The following CCDC71L variants were observed in gnomAD, a reference collection of about 807,000 sequenced individuals.
CCDC71L encodes the protein coiled-coil domain containing 71 like.
CCDC71L carries 6 observed loss-of-function variants against 10.2 expected under a neutral mutation model. The ratio of observed to expected loss-of-function variants is 0.59; its 90% confidence interval spans 0.32 to 1.16. The LOEUF is 1.16. Ranked by LOEUF, CCDC71L falls within the 50% of genes most tolerant of loss-of-function variation. The probability of loss-of-function intolerance (pLI) is 0.05; values close to 1 mark genes in which losing one functional copy is unlikely to be tolerated. For missense variants in CCDC71L, 366 were observed against 383.4 expected (o/e 0.95, Z 0.38); for synonymous variants, 204 against 175.5 (o/e 1.16, Z -1.28).
Position 106,660,460 on chromosome 7 carries a change from T to C in CCDC71L, c.437A>G (p.Lys146Arg), listed in dbSNP as rs1281438998. Residue 146 changes from lysine (K) to arginine (R), a missense_variant, in exon 1 of 1, where the codon AAG (lysine) becomes AGG (arginine). Coordinates refer to ENST00000523505, the MANE Select transcript of CCDC71L (RefSeq NM_175884.6). This position sits in a 1 kb window ranked among gnomAD's most constrained non-coding sequence, Gnocchi z 7.5. ...CGGCGGTGGGGGTGGCGGCCGGGGC[T>C]TCCTCCTGCGGGCAGCGGCCGCCCG... Reference protein sequence around the residue: ...GARAAAARRRKPRPPPPPPPP... With the variant: ...GARAAAARRRRPRPPPPPPPP... The C allele has an allele frequency of 1.5e-5, 18 of 1,226,050 alleles. No homozygotes were observed. Among genetic ancestry groups the C allele is most frequent in the Non-Finnish European group, 1.7e-5 (17 of 985,316 alleles). The allele number at this position is 1,226,050 out of a possible 1,614,324, so 75.9% of individuals were successfully genotyped here. A position where few individuals can be genotyped will look rare whatever the true frequency, so the allele number is the denominator to read the frequency against.
chr7:106,659,830 A>T lies in CCDC71L; in HGVS notation c.*359T>A. Reference sequence around the variant, plus strand: ...TTTGGAAAAATAATGTCTTCGGAGGACTTCCAGACCAGTGAGGTAGAGTCC... The same window carrying T: ...TTTGGAAAAATAATGTCTTCGGAGGTCTTCCAGACCAGTGAGGTAGAGTCC... On this transcript the variant is annotated 3_prime_UTR_variant, in exon 1 of 1. Coordinates refer to ENST00000523505, the MANE Select transcript of CCDC71L (RefSeq NM_175884.6). The T allele has an allele frequency of 4.3e-6, 1 of 232,298 alleles. No individual in the cohort carries two copies. Among genetic ancestry groups the T allele is most frequent in the East Asian group, 8.3e-5 (1 of 12,008 alleles). The allele number at this position is 232,298 out of a possible 1,614,324, so 14.4% of individuals were successfully genotyped here.
chr7:106,661,007 T>C lies in CCDC71L; in HGVS notation c.-111A>G, dbSNP rs1025461950. 7.8e-7 allele frequency: 1 copy of C among 1,275,862 alleles called. No individual in the cohort carries two copies. The highest frequency in any genetic ancestry group is 4.3e-5 in the Admixed American group (1 of 23,516). The allele number at this position is 1,275,862 out of a possible 1,614,324, so 79.0% of individuals were successfully genotyped here. On this transcript the variant is annotated 5_prime_UTR_variant, in exon 1 of 1. Coordinates refer to ENST00000523505, the MANE Select transcript of CCDC71L (RefSeq NM_175884.6). Reference sequence around the variant, plus strand: ...TGCTGCTGGCGTCTCTCGCTACTTTTCTCGCCTCCGCCGCCGCCCCTCCCC... The same window carrying C: ...TGCTGCTGGCGTCTCTCGCTACTTTCCTCGCCTCCGCCGCCGCCCCTCCCC...
In CCDC71L at chr7:106,660,318, G is replaced by T. The variant is rs1792568116; in HGVS notation, c.579C>A (p.Thr193=). 1 of 1,522,124 alleles carries T rather than the reference G, an allele frequency of 6.6e-7. No homozygotes were observed. The highest frequency in any genetic ancestry group is 2.0e-5 in the Admixed American group (1 of 49,912). The allele number at this position is 1,522,124 out of a possible 1,614,324, so 94.3% of individuals were successfully genotyped here. A position where few individuals can be genotyped will look rare whatever the true frequency, so the allele number is the denominator to read the frequency against. ...AATPTLTTFP[T]IRVGSDVWGE... ...CCCACACGTCGCTGCCGACGCGGAT[G>T]GTGGGGAAGGTGGTCAGCGTCGGGG... Residue 193 remains threonine (T), a synonymous_variant, in exon 1 of 1, where the codon ACC becomes ACA. Coordinates refer to ENST00000523505, the MANE Select transcript of CCDC71L (RefSeq NM_175884.6). This position sits in a 1 kb window ranked among gnomAD's most constrained non-coding sequence, Gnocchi z 7.5.
In CCDC71L at chr7:106,660,582, C is replaced by T; in HGVS notation, c.315G>A (p.Arg105=). The T allele has an allele frequency of 5.1e-6, 8 of 1,558,642 alleles. No homozygotes were observed. Among genetic ancestry groups the T allele is most frequent in the Non-Finnish European group, 6.9e-6 (8 of 1,154,034 alleles). The stretch of plus-strand genomic sequence containing the variant: ...GCCCCGGGGGGTCGGGTACCAGGGC[C>T]CGGCAGGAGGAGTAGCCGTAGACGT... ...SKDVYGYSSC[R]ALVPDPPGPP... is the part of the protein sequence containing the mutation. The change falls in exon 1 of 1, where the codon CGG becomes CGA. Residue 105 remains arginine, a synonymous_variant. Transcript: ENST00000523505. The surrounding 1 kb of genome is among the most constrained non-coding windows in gnomAD (Gnocchi z 7.5).
Position 106,661,048 on chromosome 7 carries a change from A to T in CCDC71L, c.-152T>A. On this transcript the variant is annotated 5_prime_UTR_variant, in exon 1 of 1. Coordinates refer to ENST00000523505, the MANE Select transcript of CCDC71L (RefSeq NM_175884.6). ...GCCCCTCCCCCTCCGAGGGCGGAGG[A>T]CGCGGGCGAATATCCTGCTGCCCGG... 8.7e-7 allele frequency: 1 copy of T among 1,144,094 alleles called. No individual in the cohort carries two copies. Among genetic ancestry groups the T allele is most frequent in the Non-Finnish European group, 1.1e-6 (1 of 885,224 alleles). The allele number at this position is 1,144,094 out of a possible 1,614,324, so 70.9% of individuals were successfully genotyped here.
Position 106,659,780 on chromosome 7 carries a change from T to C in CCDC71L, c.*409A>G, listed in dbSNP as rs1052870664. The C allele has an allele frequency of 1.8e-5, 3 of 166,990 alleles. No homozygotes were observed. Among genetic ancestry groups the C allele is most frequent in the African/African-American group, 7.1e-5 (3 of 42,108 alleles). The allele number at this position is 166,990 out of a possible 1,614,324, so 10.3% of individuals were successfully genotyped here. A position where few individuals can be genotyped will look rare whatever the true frequency, so the allele number is the denominator to read the frequency against. On this transcript the variant is annotated 3_prime_UTR_variant, in exon 1 of 1. Coordinates refer to ENST00000523505, the MANE Select transcript of CCDC71L (RefSeq NM_175884.6). ...AAAGAACAAGTAAATTCTGGCTTTA[T>C]TACACAAGCACGAAACCAAATTCCT...
chr7:106,660,845 T>C lies in CCDC71L; in HGVS notation c.52A>G (p.Thr18Ala), dbSNP rs754432517. ...RRRRRPVAPA[T>A]AARGGDFRAE... is the part of the protein sequence containing the mutation. ...CTAAAGTCGCCGCCCCGGGCGGCCGTGGCCGGGGCGACCGGGCGCCGGCGC... is the reference window on the plus strand; with the variant it reads ...CTAAAGTCGCCGCCCCGGGCGGCCGCGGCCGGGGCGACCGGGCGCCGGCGC... The change falls in exon 1 of 1, where the codon ACG (threonine) becomes GCG (alanine). Residue 18 changes from threonine to alanine, a missense_variant. Coordinates refer to ENST00000523505, the MANE Select transcript of CCDC71L (RefSeq NM_175884.6). This position sits in a 1 kb window ranked among gnomAD's most constrained non-coding sequence, Gnocchi z 7.5. 2 of 1,495,308 alleles carry C rather than the reference T, an allele frequency of 1.3e-6. No individual in the cohort carries two copies. The highest frequency in any genetic ancestry group is 1.3e-5 in the South Asian group (1 of 77,932). 92.6% of individuals were successfully genotyped at this position (1,495,308 alleles called of 1,614,324 possible).
Position 106,661,014 on chromosome 7 carries a change from T to G in CCDC71L, c.-118A>C. 4 of 1,263,446 alleles carry G rather than the reference T, an allele frequency of 3.2e-6. No individual in the cohort carries two copies. Among genetic ancestry groups the G allele is most frequent in the Non-Finnish European group, 4.0e-6 (4 of 997,238 alleles). 78.3% of individuals were successfully genotyped at this position (1,263,446 alleles called of 1,614,324 possible). A position where few individuals can be genotyped will look rare whatever the true frequency, so the allele number is the denominator to read the frequency against. Reference sequence around the variant, plus strand: ...GGCGTCTCTCGCTACTTTTCTCGCCTCCGCCGCCGCCCCTCCCCCTCCGAG... The same window carrying G: ...GGCGTCTCTCGCTACTTTTCTCGCCGCCGCCGCCGCCCCTCCCCCTCCGAG... On this transcript the variant is annotated 5_prime_UTR_variant, in exon 1 of 1. Coordinates refer to ENST00000523505, the MANE Select transcript of CCDC71L (RefSeq NM_175884.6).
chr7:106,655,985 A>G lies in CCDC71L; in HGVS notation c.*4204T>C, dbSNP rs1386828957. On this transcript the variant is annotated 3_prime_UTR_variant, in exon 1 of 1. Coordinates refer to ENST00000523505, the MANE Select transcript of CCDC71L (RefSeq NM_175884.6). ...TGCATACCTATAATTAAGAGCATTT[A>G]TTTAGTACTTCCTATGTGTCTAGCA... Among the ~76,000 whole-genome samples, 1 of 152,198 alleles carries G rather than the reference A, an allele frequency of 6.6e-6. No homozygotes were observed. The highest frequency in any genetic ancestry group is 1.5e-5 in the Non-Finnish European group (1 of 68,016).
Position 106,660,006 on chromosome 7 carries a change from A to C in CCDC71L, c.*183T>G. ...AGAGGGCACACCTGCCCCAGCGTCC[A>C]AGACGACCGCGCCGCGGCCCGGGAC... On this transcript the variant is annotated 3_prime_UTR_variant, in exon 1 of 1. Transcript: ENST00000523505. This position sits in a 1 kb window ranked among gnomAD's most constrained non-coding sequence, Gnocchi z 7.5. 3.5e-6 allele frequency: 3 copies of C among 856,348 alleles called. No homozygotes were observed. The highest frequency in any genetic ancestry group is 5.0e-6 in the Non-Finnish European group (3 of 602,000). 53.0% of individuals were successfully genotyped at this position (856,348 alleles called of 1,614,324 possible). A position where few individuals can be genotyped will look rare whatever the true frequency, so the allele number is the denominator to read the frequency against.
At position 106,660,028 on chromosome 7, in the gene CCDC71L, G is replaced by T; in HGVS notation, c.*161C>A. 1 of 1,034,398 alleles carries T rather than the reference G, an allele frequency of 9.7e-7. No homozygotes were observed. Among genetic ancestry groups the T allele is most frequent in the Non-Finnish European group, 1.3e-6 (1 of 764,646 alleles). 64.1% of individuals were successfully genotyped at this position (1,034,398 alleles called of 1,614,324 possible). On this transcript the variant is annotated 3_prime_UTR_variant, in exon 1 of 1. Coordinates refer to ENST00000523505, the MANE Select transcript of CCDC71L (RefSeq NM_175884.6). The surrounding 1 kb of genome is among the most constrained non-coding windows in gnomAD (Gnocchi z 7.5). The stretch of plus-strand genomic sequence containing the variant: ...TCCAAGACGACCGCGCCGCGGCCCG[G>T]GACAGGGACAACCATCCGGCAACTT...
chr7:106,660,662 T>G lies in CCDC71L; in HGVS notation c.235A>C (p.Ser79Arg), dbSNP rs1792578734. 6.3e-7 allele frequency: 1 copy of G among 1,587,728 alleles called. No homozygotes were observed. The highest frequency in any genetic ancestry group is 1.8e-5 in the Admixed American group (1 of 56,626). The stretch of plus-strand genomic sequence containing the variant: ...TGGTGCTTGAGGCTGCAGAGGAAGC[T>G]CCAGAGCTCCGCGTCCGAGCTCATG... ...EFMSSDAELWSFLCSLKHQFS... is the reference protein window; with the variant it reads ...EFMSSDAELWRFLCSLKHQFS... The change falls in exon 1 of 1, where the codon AGC becomes CGC. Residue 79 changes from serine to arginine, a missense_variant. Transcript: ENST00000523505. This position sits in a 1 kb window ranked among gnomAD's most constrained non-coding sequence, Gnocchi z 7.5.
Position 106,660,105 on chromosome 7 carries a change from A to G in CCDC71L, c.*84T>C. 7.1e-7 allele frequency: 1 copy of G among 1,402,862 alleles called. No individual in the cohort carries two copies. 86.9% of individuals were successfully genotyped at this position (1,402,862 alleles called of 1,614,324 possible). On this transcript the variant is annotated 3_prime_UTR_variant, in exon 1 of 1. Transcript: ENST00000523505. This position sits in a 1 kb window ranked among gnomAD's most constrained non-coding sequence, Gnocchi z 7.5. ...CGGGGTCCTGGCCGGATCTGTAAAC[A>G]CTCGACTGACACTTGTTCATTCCTC...
At position 106,658,360 on chromosome 7, in the gene CCDC71L, T is replaced by A. The variant is rs928351568; in HGVS notation, c.*1829A>T. 6.6e-6 allele frequency: 1 copy of A among 152,192 alleles called. No individual in the cohort carries two copies. Among genetic ancestry groups the A allele is most frequent in the Non-Finnish European group, 1.5e-5 (1 of 68,026 alleles). 9.4% of individuals were successfully genotyped at this position (152,192 alleles called of 1,614,324 possible). ...AAACTGGCATCAAGTTATATATATG[T>A]GTGTATATATATATCATATTATTTC... is the stretch of plus-strand genomic sequence containing the variant. On this transcript the variant is annotated 3_prime_UTR_variant, in exon 1 of 1. Coordinates refer to ENST00000523505, the MANE Select transcript of CCDC71L (RefSeq NM_175884.6).
chr7:106,658,554 T>G lies in CCDC71L; in HGVS notation c.*1635A>C, dbSNP rs1170839262. On this transcript the variant is annotated 3_prime_UTR_variant, in exon 1 of 1. Coordinates refer to ENST00000523505, the MANE Select transcript of CCDC71L (RefSeq NM_175884.6). The stretch of plus-strand genomic sequence containing the variant: ...TGCCAAGCAGAGATAAGCTTTAGTA[T>G]TAAAGATTTCACATGTCAAGTTCCA... 2.0e-5 allele frequency: 3 copies of G among 152,550 alleles called. No homozygotes were observed. Among genetic ancestry groups the G allele is most frequent in the African/African-American group, 7.2e-5 (3 of 41,436 alleles). The allele number at this position is 152,550 out of a possible 1,614,324, so 9.4% of individuals were successfully genotyped here. A position where few individuals can be genotyped will look rare whatever the true frequency, so the allele number is the denominator to read the frequency against.
rs1199460015 is a variant in CCDC71L at position 106,654,980 on chromosome 7, A to C, written c.*5209T>G. On this transcript the variant is annotated 3_prime_UTR_variant, in exon 1 of 1. Transcript: ENST00000523505. ...AGAATCTCAATTTAACTTTTCTATG[A>C]ATGCTTTCGGAAGCTAAATAAGTCC... 6.6e-6 allele frequency among the ~76,000 whole-genome samples: 1 copy of C among 152,114 alleles called. No homozygotes were observed. The highest frequency in any genetic ancestry group is 1.5e-5 in the Non-Finnish European group (1 of 67,990).
chr7:106,660,871 C>T lies in CCDC71L; in HGVS notation c.26G>A (p.Arg9Gln), dbSNP rs771314298. 6 of 1,460,686 alleles carry T rather than the reference C, an allele frequency of 4.1e-6. No individual in the cohort carries two copies. The highest frequency in any genetic ancestry group is 1.4e-5 in the South Asian group (1 of 71,264). The allele number at this position is 1,460,686 out of a possible 1,614,324, so 90.5% of individuals were successfully genotyped here. A position where few individuals can be genotyped will look rare whatever the true frequency, so the allele number is the denominator to read the frequency against. The stretch of plus-strand genomic sequence containing the variant: ...GGCCGGGGCGACCGGGCGCCGGCGC[C>T]GCCGCCTCTTCATACTGCGCCGCAT... MRRSMKRR[R>Q]RRRPVAPATA... is the part of the protein sequence containing the mutation. Residue 9 changes from arginine to glutamine, a missense_variant, in exon 1 of 1, where the codon CGG becomes CAG. Coordinates refer to ENST00000523505, the MANE Select transcript of CCDC71L (RefSeq NM_175884.6). The surrounding 1 kb of genome is among the most constrained non-coding windows in gnomAD (Gnocchi z 7.5).
In CCDC71L at chr7:106,660,694, G is replaced by A. The variant is rs774588278; in HGVS notation, c.203C>T (p.Thr68Met). The change falls in exon 1 of 1, where the codon ACG becomes ATG. Residue 68 changes from threonine (T) to methionine (M), a missense_variant. Transcript: ENST00000523505. The surrounding 1 kb of genome is among the most constrained non-coding windows in gnomAD (Gnocchi z 7.5). ...DAFKLFMPRSTEFMSSDAELW... is the reference protein window; with the variant it reads ...DAFKLFMPRSMEFMSSDAELW... ...CTCCGCGTCCGAGCTCATGAACTCC[G>A]TGCTGCGGGGCATGAAGAGCTTGAA... 6.3e-7 allele frequency: 1 copy of A among 1,584,844 alleles called. No homozygotes were observed. The highest frequency in any genetic ancestry group is 1.8e-5 in the Admixed American group (1 of 56,208).
Position 106,660,479 on chromosome 7 carries a change from C to A in CCDC71L, c.418G>T (p.Ala140Ser). The A allele has an allele frequency of 1.6e-6, 2 of 1,224,098 alleles. No homozygotes were observed. Among genetic ancestry groups the A allele is most frequent in the Non-Finnish European group, 2.0e-6 (2 of 984,112 alleles). The allele number at this position is 1,224,098 out of a possible 1,614,324, so 75.8% of individuals were successfully genotyped here. A position where few individuals can be genotyped will look rare whatever the true frequency, so the allele number is the denominator to read the frequency against. ...CGGGGCTTCCTCCTGCGGGCAGCGG[C>A]CGCCCGGGCTCCGCGGCGCCTCCTC... ...ARRRRRGARA[A>S]AARRRKPRPP... The change falls in exon 1 of 1, where the codon GCC becomes TCC. Residue 140 changes from alanine (A) to serine (S), a missense_variant. Physicochemically the swap from Ala to Ser is moderately conservative, Grantham distance 99. Coordinates refer to ENST00000523505, the MANE Select transcript of CCDC71L (RefSeq NM_175884.6). This position sits in a 1 kb window ranked among gnomAD's most constrained non-coding sequence, Gnocchi z 7.5.
Sources: allele counts gnomAD v4.1 joint callset (sites outside exome capture counted in the v4.1 genomes callset), GRCh38; gene constraint gnomAD v4.1.1; non-coding constraint Gnocchi (gnomAD v3.1); transcripts MANE v1.5; gene names NCBI Gene and HGNC (gene_info 2026-07-23, HGNC 2026-07-21).